Variants in TRIM29 observed in about 807,000 individuals in gnomAD.
TRIM29 encodes tripartite motif containing 29.
In TRIM29, 52 loss-of-function variants were observed where a neutral mutation model predicts 57.3. That is an observed-to-expected ratio of 0.91 (90% CI 0.73 to 1.14). The LOEUF is 1.14. TRIM29 is among the 50% of genes most tolerant of loss of function. The pLI is 0.00. For synonymous variants in TRIM29, 319 were observed against 316.9 expected, an observed-to-expected ratio of 1.01 and a Z score of -0.07; for missense variants, 753 against 774.6, an observed-to-expected ratio of 0.97 and a Z score of 0.33.
intron 6 of TRIM29, among the ~76,000 whole-genome samples, chr11:120,119,184 A>T (rs606970): frequency 6.6e-6 from 1 of 152,040 alleles, no homozygotes. Flanking sequence ...GCAGTGGGAA[A>T]GGGGTGGGAG....
rs1463945299 is a variant in TRIM29 at position 120,118,242 on chromosome 11, G to C, written c.1608C>G (p.Ser536Arg). The C allele has an allele frequency of 6.2e-7, 1 of 1,614,062 alleles. No individual in the cohort carries two copies. Among genetic ancestry groups the C allele is most frequent in the Non-Finnish European group, 8.5e-7 (1 of 1,179,964 alleles). Reference protein sequence around the residue: ...SDNDLPVVQGSSSFSLKGYPS... With the variant: ...SDNDLPVVQGRSSFSLKGYPS... The stretch of plus-strand genomic sequence containing the variant: ...GCTCACCTTTCAGGGAGAAGGAGGA[G>C]CTGCCTTGGACGACGGGCAGGTCAT... Residue 536 changes from serine to arginine, a missense_variant, in exon 7 of 9, where the codon AGC becomes AGG. Ser to Arg is a moderately radical substitution (Grantham distance 110, BLOSUM62 -1). Transcript: ENST00000341846.
At chr11:120,136,068 G>C (rs1052002715) in intron 1 of TRIM29, among the ~76,000 whole-genome samples, 7 of 152,188 alleles carry the variant, frequency 4.6e-5, no homozygotes, top group Non-Finnish European at 8.8e-5. Flanking sequence ...TACAGGCACA[G>C]TCACATAGAA....
chr11:120,137,140 G>A lies in TRIM29; in HGVS notation c.804+88C>T, dbSNP rs1456781158. On this transcript the variant is annotated intron_variant, in intron 1 of 8. Transcript: ENST00000341846. This position sits in a 1 kb window ranked among gnomAD's most constrained non-coding sequence, Gnocchi z 6.2. ...CAGTAGAAACTTAAGCCCCAAACCC[G>A]AGGAAGCCCGAGTGGAGAAGATGAA... 5.5e-6 allele frequency: 8 copies of A among 1,461,400 alleles called. No individual in the cohort carries two copies. Among genetic ancestry groups the A allele is most frequent in the African/African-American group, 2.8e-5 (2 of 71,314 alleles). The allele number at this position is 1,461,400 out of a possible 1,614,324, so 90.5% of individuals were successfully genotyped here.
At chr11:120,116,988 C>A (rs1863288504) in intron 7 of TRIM29, 1 of 442,680 alleles carries the variant, frequency 2.3e-6, no homozygotes, top group East Asian at 7.2e-5. Flanking sequence ...CCCACTGCGA[C>A]CCAGTGGTTT....
intron 8 of TRIM29, among the ~76,000 whole-genome samples, chr11:120,114,960 A>G (rs1863229593): frequency 6.6e-6 from 1 of 152,008 alleles, no homozygotes; most frequent in Admixed American, 6.6e-5. Flanking sequence ...GGGAGGTGGG[A>G]CCCATCTCTA....
At chr11:120,129,044 A>G in intron 1 of TRIM29, 2 of 676,446 alleles carry the variant, frequency 3.0e-6, no homozygotes, top group South Asian at 4.1e-5. Context: ...GGGAAAGGGA[A>G]GGCATTCTGC....
Position 120,128,423 on chromosome 11 carries a change from G to GC in TRIM29, c.876dup (p.Gln293AlafsTer14). On this transcript the variant is annotated frameshift_variant, in exon 2 of 9. Transcript: ENST00000341846. LOFTEE classifies it high-confidence loss of function. ...ACCTTGATGCGGTCCTTCTCCTTCT[G>GC]CCACTTCTCAGCTTCATCCTCAATC... 6.2e-7 allele frequency: 1 copy of GC among 1,612,326 alleles called. No homozygotes were observed. Among genetic ancestry groups the GC allele is most frequent in the Non-Finnish European group, 8.5e-7 (1 of 1,180,006 alleles).
At chr11:120,114,365 C>T (rs531077062) in intron 8 of TRIM29, among the ~76,000 whole-genome samples, 2 of 152,222 alleles carry the variant, frequency 1.3e-5, no homozygotes, top group African/African-American at 2.4e-5. Context: ...ATTACATACA[C>T]GATCACTTAG....
At chr11:120,116,700 A>G (rs956059080) in intron 7 of TRIM29, 1 of 159,716 alleles carries the variant, frequency 6.3e-6, no homozygotes, top group Non-Finnish European at 1.4e-5. Context: ...AGTTCCCAGA[A>G]AGAAAATCCC....
chr11:120,134,265 G>C (rs1863775128), intron 1 of TRIM29, among the ~76,000 whole-genome samples: 1 of 152,106 alleles, frequency 6.6e-6, no homozygotes, highest in South Asian at 2.1e-4. Context: ...TCTGTAGGTA[G>C]AGCTGAGGCC....
intron 6 of TRIM29, among the ~76,000 whole-genome samples, chr11:120,120,179 G>T (rs1271532797): frequency 1.6e-5 from 2 of 121,408 alleles, no homozygotes; most frequent in South Asian, 2.3e-4. Flanking sequence ...TTGTGGGGGG[G>T]GTGGCGCATT....
intron 5 of TRIM29, among the ~76,000 whole-genome samples, chr11:120,122,431 G>C (rs138924416): frequency 0.015 from 2,309 of 152,310 alleles, 29 homozygotes; most frequent in Non-Finnish European, 0.024. Context: ...GGCTGGGACT[G>C]TCCAGGGCCT....
chr11:120,125,551 A>C (rs1023458505), intron 4 of TRIM29, 140 bp downstream of exon 4: 38 of 795,802 alleles, frequency 4.8e-5, no homozygotes, highest in Non-Finnish European at 6.0e-5. Context: ...TCCTAGTCCA[A>C]ACGGCCTGAG....
In TRIM29 at chr11:120,125,770, A is replaced by C; in HGVS notation, c.1254T>G (p.Asn418Lys). 1 of 1,614,180 alleles carries C rather than the reference A, an allele frequency of 6.2e-7. No individual in the cohort carries two copies. The highest frequency in any genetic ancestry group is 8.5e-7 in the Non-Finnish European group (1 of 1,180,022). The change falls in exon 4 of 9, where the codon AAT becomes AAG. Residue 418 changes from asparagine to lysine, a missense_variant. Physicochemically the swap from Asn to Lys is moderately conservative, Grantham distance 94. Coordinates refer to ENST00000341846, the MANE Select transcript of TRIM29 (RefSeq NM_012101.4). ...TCTTCTCAACGTGGCGCATGCATACATTGAGCAGGTCGTCCTTGAAGTTGC... is the reference window on the plus strand; with the variant it reads ...TCTTCTCAACGTGGCGCATGCATACCTTGAGCAGGTCGTCCTTGAAGTTGC... ...SLGNFKDDLL[N>K]VCMRHVEKMC...
intron 8 of TRIM29, among the ~76,000 whole-genome samples, chr11:120,114,835 T>C (rs1231228534): frequency 6.6e-6 from 1 of 152,188 alleles, no homozygotes; most frequent in African/African-American, 2.4e-5. Context: ...ATGCCTGGCC[T>C]CGGGTCATTA....
chr11:120,118,438 T>G, intron 6 of TRIM29, 117 bp from the exon 7 acceptor site: 1 of 697,548 alleles, frequency 1.4e-6, no homozygotes, highest in Non-Finnish European at 2.4e-6. Flanking sequence ...TAAGCCAGGA[T>G]GCCACTGTGT....
At position 120,137,611 on chromosome 11, in the gene TRIM29, A is replaced by G. The variant is rs746991192; in HGVS notation, c.421T>C (p.Ser141Pro). The G allele has an allele frequency of 2.5e-6, 4 of 1,613,386 alleles. No homozygotes were observed. In the East Asian group the frequency reaches 8.9e-5, roughly 36 times the overall value. Reference protein sequence around the residue: ...IFSESRKPTVSIMEPGETRRN... With the variant: ...IFSESRKPTVPIMEPGETRRN... ...CGGGTCTCCCCGGGCTCCATGATGG[A>G]CACCGTGGGCTTCCGGGACTCCGAG... The change falls in exon 1 of 9, where the codon TCC (serine) becomes CCC (proline). Residue 141 changes from serine to proline, a missense_variant. Physicochemically the swap from Ser to Pro is moderately conservative, Grantham distance 74. Transcript: ENST00000341846. This position sits in a 1 kb window ranked among gnomAD's most constrained non-coding sequence, Gnocchi z 6.2.
chr11:120,115,394 T>A lies in TRIM29; in HGVS notation c.1648A>T (p.Ser550Cys), dbSNP rs1255352577. Reference sequence around the variant, plus strand: ...TGGGGCTGGGCCTTGGGGCTTTGGCTCCGCATGAGGGAGGGATAGCCTGGG... The same window carrying A: ...TGGGGCTGGGCCTTGGGGCTTTGGCACCGCATGAGGGAGGGATAGCCTGGG... The part of the protein sequence containing the change: ...SLKGYPSLMR[S>C]QSPKAQPQTW... The change falls in exon 8 of 9, where the codon AGC becomes TGC. Residue 550 changes from serine to cysteine, a missense_variant. Physicochemically the swap from Ser to Cys is moderately radical, Grantham distance 112. Transcript: ENST00000341846. 1 of 1,613,802 alleles carries A rather than the reference T, an allele frequency of 6.2e-7. No individual in the cohort carries two copies. The highest frequency in any genetic ancestry group is 1.1e-5 in the South Asian group (1 of 91,016).
At chr11:120,127,236 GGTGGATAA>G in intron 3 of TRIM29, 92 bp downstream of exon 3, 1 of 987,956 alleles carries the variant, frequency 1.0e-6, no homozygotes, top group Non-Finnish European at 1.5e-6. Flanking sequence ...TAGACGAATA[GGTGGATAA>G]GTGGATAGGT....
Sources: allele counts gnomAD v4.1 joint callset (sites outside exome capture counted in the v4.1 genomes callset), GRCh38; gene constraint gnomAD v4.1.1; non-coding constraint Gnocchi (gnomAD v3.1); transcripts MANE v1.5; gene names NCBI Gene and HGNC (gene_info 2026-07-23, HGNC 2026-07-21).